PITPNM2: variants seen among roughly 807,000 people sequenced by gnomAD.
The protein encoded by PITPNM2 is phosphatidylinositol transfer protein membrane associated 2, also known as membrane-associated phosphatidylinositol transfer protein 2.
PITPNM2 carries 35 observed loss-of-function variants against 132.2 expected under a neutral mutation model. That is an observed-to-expected ratio of 0.26 (90% CI 0.20 to 0.35). The LOEUF is 0.35. Among genes scored for constraint, PITPNM2 ranks in the 10% least tolerant of loss-of-function variants. PITPNM2 has a pLI of 1.00. For missense variants in PITPNM2, 1,332 were observed against 1,912.0 expected, an observed-to-expected ratio of 0.70 and a Z score of 5.66; for synonymous variants, 738 against 799.2, an observed-to-expected ratio of 0.92 and a Z score of 1.29.
chr12:123,087,159 A>T (rs2042134490), intron 2 of PITPNM2: 1 of 152,194 alleles, frequency 6.6e-6, no homozygotes, highest in Admixed American at 6.5e-5. Flanking sequence ...CACTTATGGG[A>T]GACTCTGTGT....
chr12:123,124,274 T>A (rs931013375), intron 1 of PITPNM2, among the ~76,000 whole-genome samples: 1 of 150,294 alleles, frequency 6.7e-6, no homozygotes, highest in Admixed American at 6.6e-5. Context: ...AAAATAAAAA[T>A]ACAAAATATT....
intron 3 of PITPNM2, among the ~76,000 whole-genome samples, chr12:123,028,703 G>A (rs1466220302): frequency 2.0e-5 from 3 of 152,212 alleles, no homozygotes; most frequent in Admixed American, 1.3e-4. Flanking sequence ...TGATTCTGAC[G>A]TACGTTCACA....
chr12:123,029,326 T>C (rs911653547), intron 3 of PITPNM2, among the ~76,000 whole-genome samples: 9 of 152,236 alleles, frequency 5.9e-5, no homozygotes, highest in Non-Finnish European at 8.8e-5. Flanking sequence ...TGGTGGCTCA[T>C]GCCTGTAATC....
In PITPNM2 at chr12:122,983,926, C is replaced by T. The variant is rs1323732807; in HGVS notation, c.*2101G>A. ...TTTGGTATTTTTAAAGGACGCTGCC[C>T]TCCCTCTCTTAGTTTCAGAAAGACT... On this transcript the variant is annotated 3_prime_UTR_variant, in exon 26 of 26. Coordinates refer to ENST00000320201, the MANE Select transcript of PITPNM2 (RefSeq NM_020845.3). 1 of 152,716 alleles carries T rather than the reference C, an allele frequency of 6.5e-6. No individual in the cohort carries two copies. Among genetic ancestry groups the T allele is most frequent in the Non-Finnish European group, 1.5e-5 (1 of 68,072 alleles). The allele number at this position is 152,716 out of a possible 1,614,324, so 9.5% of individuals were successfully genotyped here.
At chr12:123,030,415 C>G (rs755641153) in intron 3 of PITPNM2, among the ~76,000 whole-genome samples, 1 of 152,124 alleles carries the variant, frequency 6.6e-6, no homozygotes, top group Non-Finnish European at 1.5e-5. Flanking sequence ...ACTTGTAGGC[C>G]GGGCGCGGTG....
chr12:123,052,597 C>T (rs1315887267), intron 2 of PITPNM2, among the ~76,000 whole-genome samples: 2 of 151,952 alleles, frequency 1.3e-5, no homozygotes, highest in African/African-American at 2.4e-5. Context: ...CCAGCTACAG[C>T]GACAGAGCAA....
chr12:123,134,531 A>G (rs1398645161), intron 1 of PITPNM2, among the ~76,000 whole-genome samples: 1 of 152,100 alleles, frequency 6.6e-6, no homozygotes, highest in Non-Finnish European at 1.5e-5. Context: ...TCTTGCACAC[A>G]CAAATGCCTC....
At chr12:123,047,838 C>T (rs1356715588) in intron 2 of PITPNM2, among the ~76,000 whole-genome samples, 4 of 151,666 alleles carry the variant, frequency 2.6e-5, no homozygotes, top group Admixed American at 1.3e-4. Context: ...CAATGGCTCA[C>T]GCCTGTAATC....
intron 2 of PITPNM2, among the ~76,000 whole-genome samples, chr12:123,045,038 C>A (rs994197673): frequency 6.6e-6 from 1 of 152,166 alleles, no homozygotes; most frequent in Non-Finnish European, 1.5e-5. Flanking sequence ...AATGCATGGA[C>A]GGCTCTGCTC....
chr12:122,997,652 G>A, intron 10 of PITPNM2, 80 bp from the exon 11 acceptor site: 3 of 1,545,888 alleles, frequency 1.9e-6, no homozygotes, highest in Non-Finnish European at 2.6e-6. Flanking sequence ...CTTGTTGGGG[G>A]TGTGCCTCTT....
intron 2 of PITPNM2, among the ~76,000 whole-genome samples, chr12:123,043,703 G>A (rs576702784): frequency 6.6e-6 from 1 of 152,322 alleles, no homozygotes; most frequent in African/African-American, 2.4e-5. Context: ...ATGAGGCATC[G>A]CTATGTAATG....
intron 3 of PITPNM2, among the ~76,000 whole-genome samples, chr12:123,029,829 G>C (rs1001926305): frequency 8.8e-5 from 6 of 68,524 alleles, no homozygotes; most frequent in East Asian, 2.7e-4. Context: ...ATATGTGTCT[G>C]TGTGTGTGTG....
At chr12:123,141,358 A>G (rs1474820193) in intron 1 of PITPNM2, among the ~76,000 whole-genome samples, 1 of 152,214 alleles carries the variant, frequency 6.6e-6, no homozygotes, top group African/African-American at 2.4e-5. Flanking sequence ...AAGGTGGGTA[A>G]GCGGGAAAGG....
At position 123,099,553 on chromosome 12, in the gene PITPNM2, A is replaced by G. The variant is rs866637956; in HGVS notation, c.-96+10832T>C. 6.6e-6 allele frequency among the ~76,000 whole-genome samples: 1 copy of G among 152,070 alleles called. No individual in the cohort carries two copies. The highest frequency in any genetic ancestry group is 1.9e-4 in the East Asian group (1 of 5,184). ...TGGTCTGAACATCATCTCCTTCCAC[A>G]TGGCCGATCATAGAGCAGGAGCCCA... is the stretch of plus-strand genomic sequence containing the variant. On this transcript the variant is annotated intron_variant, in intron 2 of 25. Coordinates refer to ENST00000320201, the MANE Select transcript of PITPNM2 (RefSeq NM_020845.3). The surrounding 1 kb of genome is among the most constrained non-coding windows in gnomAD (Gnocchi z 4.2).
chr12:123,011,458 C>G (rs960634828), intron 5 of PITPNM2, among the ~76,000 whole-genome samples: 3 of 152,242 alleles, frequency 2.0e-5, no homozygotes, highest in African/African-American at 7.2e-5. Context: ...CTGCAGAGCT[C>G]TGGCAGTGTC....
At position 122,994,256 on chromosome 12, in the gene PITPNM2, C is replaced by T. The variant is rs576651985; in HGVS notation, c.2233+545G>A. On this transcript the variant is annotated intron_variant, in intron 15 of 25. Transcript: ENST00000320201. This position sits in a 1 kb window ranked among gnomAD's most constrained non-coding sequence, Gnocchi z 5.4. Reference sequence around the variant, plus strand: ...CCCCCTCTGTCATCTGGGAGTGTAACATGTGTTGCTACTCTCAGGATTGTG... The same window carrying T: ...CCCCCTCTGTCATCTGGGAGTGTAATATGTGTTGCTACTCTCAGGATTGTG... Among the ~76,000 whole-genome samples the T allele has an allele frequency of 2.6e-5, 4 of 152,352 alleles. No homozygotes were observed. The South Asian group carries it at 8.3e-4, about 32-fold the overall frequency.
chr12:123,011,873 G>A (rs571434872), intron 5 of PITPNM2, among the ~76,000 whole-genome samples: 35 of 152,298 alleles, frequency 2.3e-4, no homozygotes, highest in South Asian at 1.7e-3. Flanking sequence ...TGTTGTGCAA[G>A]CCACTCATGC....
At chr12:123,046,391 C>A (rs1428379300) in intron 2 of PITPNM2, among the ~76,000 whole-genome samples, 3 of 152,154 alleles carry the variant, frequency 2.0e-5, no homozygotes, top group African/African-American at 7.2e-5. Flanking sequence ...GTGACTTAAT[C>A]CTCACAACTC....
chr12:123,139,011 G>A (rs560138584), intron 1 of PITPNM2, among the ~76,000 whole-genome samples: 22 of 152,108 alleles, frequency 1.4e-4, no homozygotes, highest in Admixed American at 1.2e-3. Context: ...TGTGATGCAC[G>A]CCTGTAGTCC....
Sources: allele counts gnomAD v4.1 joint callset (sites outside exome capture counted in the v4.1 genomes callset), GRCh38; gene constraint gnomAD v4.1.1; non-coding constraint Gnocchi (gnomAD v3.1); transcripts MANE v1.5; gene names NCBI Gene and HGNC (gene_info 2026-07-23, HGNC 2026-07-21).